The following ATP6V0A4 variants were observed in gnomAD, a reference collection of about 807,000 sequenced individuals.
ATP6V0A4 encodes ATPase H+ transporting V0 subunit a4, also known as V-type proton ATPase 116 kDa subunit a 4.
In ATP6V0A4, 86 loss-of-function variants were observed where a neutral mutation model predicts 107.3. That is an observed-to-expected ratio of 0.80 (90% CI 0.67 to 0.96). ATP6V0A4 has a LOEUF of 0.96. ATP6V0A4 is among the 40% of genes least tolerant of loss of function. The pLI, the probability that ATP6V0A4 is intolerant of heterozygous loss-of-function variation, is 0.00. For synonymous variants in ATP6V0A4, 353 were observed against 381.4 expected (o/e 0.93, Z 0.87); for missense variants, 908 against 1,045.6 (o/e 0.87, Z 1.81).
At chr7:138,770,032 C>G (rs780085134) in intron 3 of ATP6V0A4, among the ~76,000 whole-genome samples, 1 of 152,036 alleles carries the variant, frequency 6.6e-6, no homozygotes, top group Non-Finnish European at 1.5e-5. Context: ...GCCTGGGCTA[C>G]AGAGCAAGAC....
intron 2 of ATP6V0A4, among the ~76,000 whole-genome samples, chr7:138,775,457 A>C: frequency 6.6e-6 from 1 of 152,046 alleles, no homozygotes; most frequent in East Asian, 1.9e-4. Flanking sequence ...CTAGGATTCA[A>C]GTTTCCTAGA....
intron 11 of ATP6V0A4, 86 bp from the exon 12 acceptor site, chr7:138,749,403 G>A: frequency 6.6e-7 from 1 of 1,522,950 alleles, no homozygotes; most frequent in Non-Finnish European, 8.9e-7. Context: ...CCCAGCTCCT[G>A]CCGTCCCTCA....
chr7:138,709,001 G>A (rs996031406), intron 21 of ATP6V0A4, among the ~76,000 whole-genome samples: 3 of 152,082 alleles, frequency 2.0e-5, no homozygotes, highest in African/African-American at 4.8e-5. Context: ...TTGAGGCCAA[G>A]AGTTCGAGAC....
In ATP6V0A4 at chr7:138,728,778, T is replaced by C; in HGVS notation, c.1993A>G (p.Ser665Gly). 1 of 1,614,190 alleles carries C rather than the reference T, an allele frequency of 6.2e-7. No individual in the cohort carries two copies. Among genetic ancestry groups the C allele is most frequent in the Non-Finnish European group, 8.5e-7 (1 of 1,180,032 alleles). ...LLIKPFILRA[S>G]HRKSQLQASR... ...GCCCTTACCTGGGATTTCCGATGAC[T>C]GGCTCTAAGAATAAACGGCTTAATC... Residue 665 changes from serine (S) to glycine (G), a missense_variant, in exon 18 of 22, where the codon AGT becomes GGT. Coordinates refer to ENST00000310018, the MANE Select transcript of ATP6V0A4 (RefSeq NM_020632.3).
Position 138,718,201 on chromosome 7 carries a change from GGT to G in ATP6V0A4, c.2140-2322_2140-2321del, listed in dbSNP as rs745612469. The stretch of plus-strand genomic sequence containing the variant: ...GGAGGGAGACGTCCAGGAAGGAATG[GGT>G]GTGTGTGTGTGTGTGTGTGTGTGTG... On this transcript the variant is annotated intron_variant, in intron 19 of 21. Coordinates refer to ENST00000310018, the MANE Select transcript of ATP6V0A4 (RefSeq NM_020632.3). Among the ~76,000 whole-genome samples, 38 of 45,496 alleles carry G rather than the reference GGT, an allele frequency of 8.4e-4. 1 individual carries two copies. The highest frequency in any genetic ancestry group is 1.7e-3 in the East Asian group (2 of 1,182). 29.8% of individuals were successfully genotyped at this position (45,496 alleles called of 152,430 possible). A position where few individuals can be genotyped will look rare whatever the true frequency, so the allele number is the denominator to read the frequency against.
chr7:138,751,755 AC>A (rs1806238849), intron 11 of ATP6V0A4, among the ~76,000 whole-genome samples: 1 of 152,070 alleles, frequency 6.6e-6, no homozygotes, highest in Non-Finnish European at 1.5e-5. Context: ...CAAGCGATCT[AC>A]ATATTTTGGC....
intron 15 of ATP6V0A4, among the ~76,000 whole-genome samples, chr7:138,736,027 A>C (rs6415390): frequency 0.56 from 85,637 of 151,724 alleles, 24,044 homozygotes; most frequent in East Asian, 0.89. Context: ...GAGATCGCAC[A>C]ATTGCACTCC....
chr7:138,734,403 GTCC>G, intron 15 of ATP6V0A4, 149 bp from the exon 16 acceptor site: 1 of 1,296,772 alleles, frequency 7.7e-7, no homozygotes, highest in Admixed American at 2.0e-5. Flanking sequence ...ACATTTTAGA[GTCC>G]AAAAAGGAAA....
intron 11 of ATP6V0A4, 138 bp from the exon 12 acceptor site, chr7:138,749,455 A>T: frequency 1.1e-6 from 1 of 892,924 alleles, no homozygotes; most frequent in Non-Finnish European, 1.7e-6. Flanking sequence ...TCTGAGACTC[A>T]CGACCTTATG....
intron 18 of ATP6V0A4, 152 bp downstream of exon 18, chr7:138,728,609 C>T (rs571685402): frequency 1.9e-6 from 2 of 1,069,122 alleles, no homozygotes; most frequent in East Asian, 2.4e-5. Flanking sequence ...TCTAGCTCCA[C>T]AGAACGAAAC....
intron 2 of ATP6V0A4, among the ~76,000 whole-genome samples, chr7:138,776,261 C>G (rs1317214265): frequency 6.6e-6 from 1 of 152,198 alleles, no homozygotes; most frequent in Non-Finnish European, 1.5e-5. Flanking sequence ...ATCAGCTAAG[C>G]TGAGGCAGCG....
chr7:138,756,169 C>G (rs569468415), intron 9 of ATP6V0A4, among the ~76,000 whole-genome samples: 1 of 152,162 alleles, frequency 6.6e-6, no homozygotes, highest in Non-Finnish European at 1.5e-5. Context: ...AACAAGTTAG[C>G]CATGCAGTTG....
intron 15 of ATP6V0A4, among the ~76,000 whole-genome samples, chr7:138,737,579 C>CTTTT (rs373540257): frequency 3.0e-5 from 4 of 134,666 alleles, no homozygotes; most frequent in African/African-American, 2.7e-5. Flanking sequence ...TTTTCTTTTT[C>CTTTT]TTTTTTTTTT....
At chr7:138,769,378 G>T in intron 3 of ATP6V0A4, 127 bp from the exon 4 acceptor site, 16 of 1,405,940 alleles carry the variant, frequency 1.1e-5, no homozygotes, top group Non-Finnish European at 1.4e-5. Flanking sequence ...GCAATGGCGC[G>T]ATCTCAGCTC....
intron 17 of ATP6V0A4, among the ~76,000 whole-genome samples, chr7:138,729,759 T>TCA (rs779999475): frequency 6.6e-6 from 1 of 152,214 alleles, no homozygotes; most frequent in African/African-American, 2.4e-5. Context: ...TCTTGAGCCT[T>TCA]CACGTTTCTC....
chr7:138,728,143 T>C (rs1804810507), intron 18 of ATP6V0A4, among the ~76,000 whole-genome samples: 1 of 143,604 alleles, frequency 7.0e-6, no homozygotes, highest in Non-Finnish European at 1.5e-5. Flanking sequence ...ACAACCACAT[T>C]CAGACCCTTA....
At chr7:138,722,126 C>T in intron 18 of ATP6V0A4, 101 bp from the exon 19 acceptor site, 2 of 1,540,360 alleles carry the variant, frequency 1.3e-6, no homozygotes, top group Admixed American at 1.9e-5. Context: ...TACCTATGTA[C>T]CAGACACTGT....
chr7:138,793,076 C>G (rs1285005802), intron 1 of ATP6V0A4, among the ~76,000 whole-genome samples: 1 of 151,990 alleles, frequency 6.6e-6, no homozygotes, highest in African/African-American at 2.4e-5. Flanking sequence ...GGAGTCTCAC[C>G]TGAGGTCAGG....
intron 2 of ATP6V0A4, among the ~76,000 whole-genome samples, chr7:138,776,126 T>C (rs1807648339): frequency 6.6e-6 from 1 of 152,218 alleles, no homozygotes; most frequent in Non-Finnish European, 1.5e-5. Context: ...ACTTGCATTT[T>C]TAATAAGCTC....
Sources: gnomAD v4.1 joint callset for allele counts (sites outside exome capture counted in the v4.1 genomes callset) on GRCh38, gnomAD v4.1.1 for gene constraint, MANE v1.5 for transcripts, NCBI Gene and HGNC (gene_info 2026-07-23, HGNC 2026-07-21) for gene names.